Variants in CD59 observed in about 807,000 individuals in gnomAD.
The protein encoded by CD59 is CD59 molecule (CD59 blood group).
CD59 carries 3 observed loss-of-function variants against 7.0 expected under a neutral mutation model. The observed-to-expected ratio is 0.43, with a 90% CI of 0.19 to 1.10. The LOEUF is 1.10. CD59 is among the 50% of genes least tolerant of loss of function. CD59 has a pLI of 0.29. For missense variants in CD59, 143 were observed against 151.0 expected, an observed-to-expected ratio of 0.95 and a Z score of 0.28; for synonymous variants, 60 against 62.0, an observed-to-expected ratio of 0.97 and a Z score of 0.15.
At position 33,704,538 on chromosome 11, in the gene CD59, A is replaced by G. The variant is rs1002135019; in HGVS notation, c.*5588T>C. ...TACGACCTGCTGAGGACATAATGAT[A>G]AACACACACAAGAGGCTACTGTGTC... On this transcript the variant is annotated 3_prime_UTR_variant, in exon 4 of 4. Transcript: ENST00000642928. 2 of 152,152 alleles carry G rather than the reference A, an allele frequency of 1.3e-5. No individual in the cohort carries two copies. Among genetic ancestry groups the G allele is most frequent in the African/African-American group, 4.8e-5 (2 of 41,426 alleles). The allele number at this position is 152,152 out of a possible 1,614,324, so 9.4% of individuals were successfully genotyped here. A position where few individuals can be genotyped will look rare whatever the true frequency, so the allele number is the denominator to read the frequency against.
At chr11:33,717,735 C>A (rs1393693648) in intron 2 of CD59, 2 of 433,182 alleles carry the variant, frequency 4.6e-6, no homozygotes, top group East Asian at 5.0e-5. Context: ...TAACCTGCAA[C>A]TGGAAGGAGA....
chr11:33,715,957 T>G (rs2133540546), intron 3 of CD59, among the ~76,000 whole-genome samples: 1 of 152,212 alleles, frequency 6.6e-6, no homozygotes, highest in Middle Eastern at 3.4e-3. Context: ...ATACTTAGTT[T>G]AATTATACTT....
At chr11:33,730,055 A>G (rs1204068120) in intron 1 of CD59, among the ~76,000 whole-genome samples, 1 of 152,190 alleles carries the variant, frequency 6.6e-6, no homozygotes, top group East Asian at 1.9e-4. Flanking sequence ...AAATTTAGGT[A>G]TGTCATGAAT....
chr11:33,731,464 A>G (rs1253250624), intron 1 of CD59: 1 of 152,212 alleles, frequency 6.6e-6, no homozygotes, highest in African/African-American at 2.4e-5. Flanking sequence ...AACTGGTGCT[A>G]AAGACTAGGA....
intron 1 of CD59, among the ~76,000 whole-genome samples, chr11:33,723,278 G>A (rs553212680): frequency 1.6e-4 from 25 of 152,076 alleles, no homozygotes; most frequent in Non-Finnish European, 2.9e-4. Flanking sequence ...CCACAGGCCC[G>A]GACAGACAGA....
intron 1 of CD59, among the ~76,000 whole-genome samples, chr11:33,732,595 G>A (rs1854452011): frequency 6.6e-6 from 1 of 152,200 alleles, no homozygotes; most frequent in East Asian, 1.9e-4. Flanking sequence ...TTGTTCCTGT[G>A]TTAACTTCCA....
chr11:33,720,807 A>G (rs1166275838), intron 2 of CD59, among the ~76,000 whole-genome samples: 2 of 152,206 alleles, frequency 1.3e-5, no homozygotes, highest in African/African-American at 2.4e-5. Flanking sequence ...AAGCCAGGGT[A>G]GACGAGGTTT....
At chr11:33,728,108 T>C (rs1218445797) in intron 1 of CD59, among the ~76,000 whole-genome samples, 1 of 152,192 alleles carries the variant, frequency 6.6e-6, no homozygotes, top group Non-Finnish European at 1.5e-5. Context: ...AAGTAGTTTA[T>C]AGATTCAATG....
chr11:33,723,571 C>A (rs78502227), intron 1 of CD59, among the ~76,000 whole-genome samples: 1,807 of 152,232 alleles, frequency 0.012, 17 homozygotes, highest in African/African-American at 0.018. Context: ...ATGTGAGGAA[C>A]CAGGAAGAAA....
At chr11:33,715,807 T>A (rs1452836471) in intron 3 of CD59, among the ~76,000 whole-genome samples, 1 of 152,228 alleles carries the variant, frequency 6.6e-6, no homozygotes, top group Non-Finnish European at 1.5e-5. Context: ...CTACCTCTGC[T>A]GTCCAACACA....
intron 1 of CD59, among the ~76,000 whole-genome samples, chr11:33,723,570 AC>A (rs1854159542): frequency 6.6e-6 from 1 of 152,200 alleles, no homozygotes; most frequent in Non-Finnish European, 1.5e-5. Context: ...TATGTGAGGA[AC>A]CAGGAAGAAA....
chr11:33,722,004 CAGA>C (rs142232261), intron 2 of CD59, among the ~76,000 whole-genome samples: 17,846 of 152,106 alleles, frequency 0.12, 1,176 homozygotes, highest in East Asian at 0.2. Flanking sequence ...AGCCTCAGAG[CAGA>C]AGGACTGAGC....
chr11:33,720,572 T>C lies in CD59; in HGVS notation c.67+1807A>G, dbSNP rs976157947. On this transcript the variant is annotated intron_variant, in intron 2 of 3. Coordinates refer to ENST00000642928, the MANE Select transcript of CD59 (RefSeq NM_000611.6). The stretch of plus-strand genomic sequence containing the variant: ...AAATTAAAAAGTAAATAAAAAAAAA[T>C]ACAAAAATTAGCCAGGCATAGTGGC... 2.6e-5 allele frequency among the ~76,000 whole-genome samples: 4 copies of C among 151,462 alleles called. No individual in the cohort carries two copies. The East Asian group carries it at 7.7e-4, about 29-fold the overall frequency.
chr11:33,736,118 G>C lies in CD59; in HGVS notation c.-19+264C>G, dbSNP rs1854567741. ...CTGCCCCCGAGGGAATGGGGGGCGCGACGGGGGTAACGGGGCTGCTTCTGG... is the reference window on the plus strand; with the variant it reads ...CTGCCCCCGAGGGAATGGGGGGCGCCACGGGGGTAACGGGGCTGCTTCTGG... On this transcript the variant is annotated intron_variant, in intron 1 of 3. Coordinates refer to ENST00000642928, the MANE Select transcript of CD59 (RefSeq NM_000611.6). This position sits in a 1 kb window ranked among gnomAD's most constrained non-coding sequence, Gnocchi z 4.4. Among the ~76,000 whole-genome samples the C allele has an allele frequency of 6.6e-6, 1 of 152,102 alleles. No individual in the cohort carries two copies.
At chr11:33,727,666 T>C in intron 1 of CD59, among the ~76,000 whole-genome samples, 1 of 152,216 alleles carries the variant, frequency 6.6e-6, no homozygotes, top group East Asian at 1.9e-4. Context: ...TTGGAAGTTC[T>C]GGCCAGGGCA....
chr11:33,725,030 A>G (rs831624), intron 1 of CD59, among the ~76,000 whole-genome samples: 152,255 of 152,272 alleles, frequency 1, 76,119 homozygotes, highest in Middle Eastern at 1. Flanking sequence ...ATTGTTTTAA[A>G]GCTATTTTAT....
chr11:33,718,783 T>C (rs1197679841), intron 2 of CD59: 1 of 152,204 alleles, frequency 6.6e-6, no homozygotes, highest in Non-Finnish European at 1.5e-5. Context: ...CTGTCAGTTT[T>C]TGCTGGGTTA....
chr11:33,710,033 AT>A lies in CD59; in HGVS notation c.*92del. Reference sequence around the variant, plus strand: ...ATTTTATTCTTTCCCAACAGGATCCATTTGGAAAATATCAAGCCTTTAGAAT... The same window carrying A: ...ATTTTATTCTTTCCCAACAGGATCCATTGGAAAATATCAAGCCTTTAGAAT... On this transcript the variant is annotated 3_prime_UTR_variant, in exon 4 of 4. Transcript: ENST00000642928. 9.8e-7 allele frequency: 1 copy of A among 1,018,154 alleles called. No individual in the cohort carries two copies. The highest frequency in any genetic ancestry group is 2.6e-5 in the East Asian group (1 of 38,648). 63.1% of individuals were successfully genotyped at this position (1,018,154 alleles called of 1,614,324 possible).
intron 1 of CD59, among the ~76,000 whole-genome samples, chr11:33,727,052 A>G (rs1235569487): frequency 6.6e-6 from 1 of 152,240 alleles, no homozygotes; most frequent in East Asian, 1.9e-4. Context: ...AACCAAAAAA[A>G]GTCCAGGACC....
Sources: allele counts gnomAD v4.1 joint callset (sites outside exome capture counted in the v4.1 genomes callset), GRCh38; gene constraint gnomAD v4.1.1; non-coding constraint Gnocchi (gnomAD v3.1); transcripts MANE v1.5; gene names NCBI Gene and HGNC (gene_info 2026-07-23, HGNC 2026-07-21).